TNFAIP8: variants seen among roughly 807,000 people sequenced by gnomAD.
TNFAIP8 encodes TNF alpha induced protein 8, also known as tumor necrosis factor alpha-induced protein 8.
A neutral mutation model predicts 13.3 loss-of-function variants in TNFAIP8; 7 were observed. That is an observed-to-expected ratio of 0.52 (90% CI 0.30 to 0.99). The LOEUF is 0.99. TNFAIP8 is among the 50% of genes least tolerant of loss of function. The pLI is 0.07. For missense variants in TNFAIP8, 258 were observed against 236.9 expected (o/e 1.09, Z -0.58); for synonymous variants, 94 against 87.6 (o/e 1.07, Z -0.41).
chr5:119,288,070 A>C (rs1748858923), intron 1 of TNFAIP8, among the ~76,000 whole-genome samples: 2 of 152,220 alleles, frequency 1.3e-5, no homozygotes, highest in Non-Finnish European at 2.9e-5. Flanking sequence ...CTCCCAGCAA[A>C]AGTAAAGGAA....
At chr5:119,296,832 A>G (rs529784447) in intron 1 of TNFAIP8, among the ~76,000 whole-genome samples, 2 of 151,904 alleles carry the variant, frequency 1.3e-5, no homozygotes, top group African/African-American at 2.4e-5. Flanking sequence ...CAGAGATTCA[A>G]CTTCTTCCTG....
At chr5:119,360,186 C>A (rs1441715311) in intron 1 of TNFAIP8, among the ~76,000 whole-genome samples, 1 of 152,120 alleles carries the variant, frequency 6.6e-6, no homozygotes, top group East Asian at 1.9e-4. Context: ...ATTTCCTGCT[C>A]CTGACTGTTG....
intron 1 of TNFAIP8, among the ~76,000 whole-genome samples, chr5:119,295,387 A>C (rs1749143579): frequency 6.6e-6 from 1 of 151,852 alleles, no homozygotes; most frequent in African/African-American, 2.4e-5. Flanking sequence ...TAAATAGGGA[A>C]TCCTTTCCCC....
chr5:119,292,685 T>TATATATATATATAC (rs1470227218), intron 1 of TNFAIP8, among the ~76,000 whole-genome samples: 3 of 52,338 alleles, frequency 5.7e-5, no homozygotes, highest in African/African-American at 1.6e-4. Context: ...TATATATATA[T>TATATATATATATAC]ACACACACAC....
rs181797079 is a variant in TNFAIP8, at chr5:119,383,235, C to T, written c.32-9581C>T. On this transcript the variant is annotated intron_variant, in intron 1 of 1. Transcript: ENST00000504771. ...TCAGGTCTTGAATATTTAGGTAAAT[C>T]CTTATTTTTGACACTTTCTTATTTA... Among the ~76,000 whole-genome samples, 30 of 150,660 alleles carry T rather than the reference C, an allele frequency of 2.0e-4. No homozygotes were observed. In the Middle Eastern group the frequency reaches 0.01, roughly 51 times the overall value.
At chr5:119,295,194 G>T (rs1581579155) in intron 1 of TNFAIP8, among the ~76,000 whole-genome samples, 1 of 19,222 alleles carries the variant, frequency 5.2e-5, no homozygotes, top group African/African-American at 6.5e-4. Context: ...TTAGTCTAAC[G>T]TTAGACCTAT....
At position 119,367,008 on chromosome 5, in the gene TNFAIP8, G is replaced by GT. The variant is rs1353818489; in HGVS notation, c.31+10888dup. Among the ~76,000 whole-genome samples the GT allele has an allele frequency of 2.0e-5, 3 of 152,300 alleles. No individual in the cohort carries two copies. The East Asian group carries it at 5.8e-4, about 29-fold the overall frequency. ...AACAAGCTGGCTAGTTTCAACATGT[G>GT]TAAGGGTTAATCGGGTAAATTATAA... On this transcript the variant is annotated intron_variant, in intron 1 of 1. Transcript: ENST00000504771.
intron 1 of TNFAIP8, among the ~76,000 whole-genome samples, chr5:119,281,170 T>A (rs1748613703): frequency 6.6e-6 from 1 of 152,042 alleles, no homozygotes; most frequent in East Asian, 1.9e-4. Context: ...ACCCTGGTTA[T>A]TTTTTAGCGA....
intron 1 of TNFAIP8, among the ~76,000 whole-genome samples, chr5:119,335,315 C>T (rs1750519057): frequency 1.3e-5 from 2 of 152,126 alleles, no homozygotes; most frequent in South Asian, 4.2e-4. Flanking sequence ...TGAGTGCTCT[C>T]CCCAAATCAC....
intron 1 of TNFAIP8, among the ~76,000 whole-genome samples, chr5:119,310,040 G>A (rs944793910): frequency 6.6e-6 from 1 of 152,200 alleles, no homozygotes; most frequent in African/African-American, 2.4e-5. Context: ...ATCTCAAAAA[G>A]TGGCTGTTCT....
chr5:119,366,127 G>C (rs866551014), intron 1 of TNFAIP8, among the ~76,000 whole-genome samples: 1 of 150,424 alleles, frequency 6.6e-6, no homozygotes, highest in African/African-American at 2.5e-5. Flanking sequence ...GAAGGGAGGA[G>C]TAAGGAAATA....
chr5:119,278,376 A>AGAGAGT (rs760411484), intron 1 of TNFAIP8, among the ~76,000 whole-genome samples: 142 of 108,232 alleles, frequency 1.3e-3, no homozygotes, highest in Non-Finnish European at 2.1e-3. Flanking sequence ...AGAGAGAGAG[A>AGAGAGT]GTGTGTGTGT....
intron 1 of TNFAIP8, among the ~76,000 whole-genome samples, chr5:119,370,311 A>G (rs1005099694): frequency 6.6e-5 from 10 of 152,196 alleles, no homozygotes; most frequent in African/African-American, 2.4e-4. Flanking sequence ...TACTTGATTG[A>G]GCAACAGAGA....
At position 119,394,831 on chromosome 5, in the gene TNFAIP8, T is replaced by C. The variant is rs538811496; in HGVS notation, c.*1450T>C. ...CATGTTGCCCAGGCTGGTCTTGAAC[T>C]CCTGACTTCAAATGATCTGCCTGCC... On this transcript the variant is annotated 3_prime_UTR_variant, in exon 2 of 2. Coordinates refer to ENST00000504771, the MANE Select transcript of TNFAIP8 (RefSeq NM_014350.4). The C allele has an allele frequency of 6.6e-6, 1 of 152,310 alleles. No homozygotes were observed. The highest frequency in any genetic ancestry group is 6.5e-5 in the Admixed American group (1 of 15,298). 9.4% of individuals were successfully genotyped at this position (152,310 alleles called of 1,614,324 possible).
At position 119,285,544 on chromosome 5, in the gene TNFAIP8, G is replaced by A. The variant is rs543062105; in HGVS notation, c.1+16637G>A. Reference sequence around the variant, plus strand: ...AAATGTTGCCTTGAGATAATCTTGTGAGTAGATTTATTTTTAGGCTATATT... The same window carrying A: ...AAATGTTGCCTTGAGATAATCTTGTAAGTAGATTTATTTTTAGGCTATATT... On this transcript the variant is annotated intron_variant, in intron 1 of 1. Coordinates refer to the TNFAIP8 transcript ENST00000274456. Among the ~76,000 whole-genome samples, 7 of 152,282 alleles carry A rather than the reference G, an allele frequency of 4.6e-5. No homozygotes were observed. The East Asian group carries it at 1.3e-3, about 29-fold the overall frequency.
At chr5:119,280,051 T>C (rs1393710523) in intron 1 of TNFAIP8, among the ~76,000 whole-genome samples, 1 of 152,186 alleles carries the variant, frequency 6.6e-6, no homozygotes. Context: ...TTTAATACTT[T>C]TATTGTAAAA....
intron 1 of TNFAIP8, among the ~76,000 whole-genome samples, chr5:119,369,027 T>A (rs1406278168): frequency 2.6e-5 from 4 of 151,652 alleles, no homozygotes; most frequent in African/African-American, 7.3e-5. Flanking sequence ...ACTGTTAACA[T>A]AAGCCAAACT....
intron 1 of TNFAIP8, among the ~76,000 whole-genome samples, chr5:119,308,117 C>T (rs192202059): frequency 1.2e-3 from 185 of 152,238 alleles, no homozygotes; most frequent in African/African-American, 4.3e-3. Flanking sequence ...CATTTTGCAC[C>T]TCTTGCCCAA....
Position 119,378,891 on chromosome 5 carries a change from T to C in TNFAIP8, c.32-13925T>C, listed in dbSNP as rs549202009. Among the ~76,000 whole-genome samples, 80 of 152,102 alleles carry C rather than the reference T, an allele frequency of 5.3e-4. 4 individuals carry two copies. The South Asian group carries it at 0.016, about 30-fold the overall frequency. On this transcript the variant is annotated intron_variant, in intron 1 of 1. Coordinates refer to ENST00000504771, the MANE Select transcript of TNFAIP8 (RefSeq NM_014350.4). Reference sequence around the variant, plus strand: ...GAGTTTGAGACCAGCCTGGCCAACATAGTGATAACTCATCTCTACAAAGAG... The same window carrying C: ...GAGTTTGAGACCAGCCTGGCCAACACAGTGATAACTCATCTCTACAAAGAG...
Sources: gnomAD v4.1 joint callset for allele counts (sites outside exome capture counted in the v4.1 genomes callset) on GRCh38, gnomAD v4.1.1 for gene constraint, MANE v1.5 for transcripts, NCBI Gene and HGNC (gene_info 2026-07-23, HGNC 2026-07-21) for gene names.